Variants in NCALD observed in about 807,000 individuals in gnomAD.
The protein encoded by NCALD is neurocalcin delta.
Under a neutral mutation model 18.6 loss-of-function variants are expected in NCALD, and 10 were observed. The observed-to-expected ratio is 0.54, with a 90% confidence interval of 0.33 to 0.91. The LOEUF (loss-of-function observed/expected upper bound fraction) is 0.91. Ranked by LOEUF, NCALD falls within the 40% of genes least tolerant of loss-of-function variation. The pLI, the probability that NCALD is intolerant of heterozygous loss-of-function variation, is 0.03. For synonymous variants in NCALD, 88 were observed against 87.4 expected, an observed-to-expected ratio of 1.01 and a Z score of -0.04; for missense variants, 184 against 247.6, an observed-to-expected ratio of 0.74 and a Z score of 1.72.
intron 1 of NCALD, among the ~76,000 whole-genome samples, chr8:102,103,772 T>C (rs116269894): frequency 0.017 from 2,627 of 152,262 alleles, 100 homozygotes; most frequent in African/African-American, 0.06. Context: ...GAAATAACAA[T>C]TGTTAAATAT....
intron 2 of NCALD, among the ~76,000 whole-genome samples, chr8:101,996,619 C>T (rs371577563): frequency 6.6e-6 from 1 of 152,308 alleles, no homozygotes; most frequent in South Asian, 2.1e-4. Flanking sequence ...CAAGAGGAGG[C>T]AGACTTGTTG....
chr8:101,712,016 A>G lies in NCALD; in HGVS notation c.378+7236T>C, dbSNP rs547055186. On this transcript the variant is annotated intron_variant, in intron 2 of 3. Coordinates refer to ENST00000220931, the MANE Select transcript of NCALD (RefSeq NM_032041.3). The stretch of plus-strand genomic sequence containing the variant: ...GAAGGAAAAAATATTAAGGGCAGCC[A>G]GAAAGAAAGGCTGGGTTACCCATAA... Among the ~76,000 whole-genome samples, 17 of 152,352 alleles carry G rather than the reference A, an allele frequency of 1.1e-4. No individual in the cohort carries two copies. In the East Asian group the frequency reaches 2.9e-3, roughly 26 times the overall value.
rs189602855 is a variant in NCALD at position 101,889,392 on chromosome 8, T to C, written c.-106-2165A>G. On this transcript the variant is annotated intron_variant, in intron 3 of 6. Transcript: ENST00000311028. ...AGGAAGAGGTTTCTCAACCAGGTGA[T>C]GACAGATCAAGGCTTAAACACAAGC... Among the ~76,000 whole-genome samples the C allele has an allele frequency of 1.1e-4, 17 of 152,372 alleles. No individual in the cohort carries two copies. The East Asian group carries it at 2.9e-3, about 26-fold the overall frequency.
chr8:102,116,412 A>G (rs1276630264), intron 1 of NCALD, among the ~76,000 whole-genome samples: 5 of 152,180 alleles, frequency 3.3e-5, no homozygotes, highest in African/African-American at 1.2e-4. Flanking sequence ...TCTGTCATGG[A>G]TTGAATGGTG....
In NCALD at chr8:102,045,399, G is replaced by C. The variant is rs1387309208; in HGVS notation, c.-209-25110C>G. On this transcript the variant is annotated intron_variant, in intron 1 of 6. Transcript: ENST00000311028. ...AGGAATGTTATGCACCTACCATACC[G>C]GGTGCTTATGAAAATGAAATTAGAA... Among the ~76,000 whole-genome samples the C allele has an allele frequency of 2.0e-5, 3 of 152,058 alleles. 1 individual carries two copies. Among genetic ancestry groups the C allele is most frequent in the South Asian group, 4.1e-4 (2 of 4,822 alleles).
At chr8:102,084,564 G>A (rs1824671615) in intron 1 of NCALD, among the ~76,000 whole-genome samples, 1 of 152,162 alleles carries the variant, frequency 6.6e-6, no homozygotes, top group African/African-American at 2.4e-5. Flanking sequence ...CCCTTGATGG[G>A]GTGTTGTCTG....
intron 3 of NCALD, among the ~76,000 whole-genome samples, chr8:101,892,573 G>A (rs1816952344): frequency 6.7e-6 from 1 of 148,996 alleles, no homozygotes; most frequent in African/African-American, 2.6e-5. Context: ...CCGAGCTACA[G>A]GAGGAAATTC....
intron 4 of NCALD, among the ~76,000 whole-genome samples, chr8:101,869,009 C>T (rs1341963205): frequency 6.6e-6 from 1 of 152,180 alleles, no homozygotes; most frequent in Non-Finnish European, 1.5e-5. Context: ...GAGCCCTTGC[C>T]TGGGGAGGTC....
intron 4 of NCALD, among the ~76,000 whole-genome samples, chr8:101,880,427 G>A (rs569109769): frequency 6.6e-6 from 1 of 152,282 alleles, no homozygotes; most frequent in South Asian, 2.1e-4. Context: ...GCTGGCTCTG[G>A]CCTTGGCCAG....
At chr8:101,960,880 C>T (rs1276413861) in intron 2 of NCALD, among the ~76,000 whole-genome samples, 1 of 152,062 alleles carries the variant, frequency 6.6e-6, no homozygotes, top group Non-Finnish European at 1.5e-5. Flanking sequence ...GTTTCTTCTG[C>T]CTGAGACACT....
At chr8:101,887,208 G>A (rs904430297) in exon 4 of NCALD, 1 of 152,038 alleles carries the variant, frequency 6.6e-6, no homozygotes, top group African/African-American at 2.4e-5. Context: ...TTTAACACCA[G>A]GAGATCAGAT....
chr8:101,953,904 AG>A (rs1285140831), intron 2 of NCALD, among the ~76,000 whole-genome samples: 2 of 152,338 alleles, frequency 1.3e-5, no homozygotes, highest in East Asian at 3.9e-4. Context: ...TCAATCCCAG[AG>A]CTTGTGGCTA....
At chr8:102,124,404 T>TGCAG (rs1692111964), upstream of NCALD, 1 of 147,804 alleles carries the variant, frequency 6.8e-6, no homozygotes, top group Non-Finnish European at 1.5e-5. Flanking sequence ...CCCTCTCCAC[T>TGCAG]GCAGCCCCGC....
intron 2 of NCALD, among the ~76,000 whole-genome samples, chr8:101,701,867 A>G (rs2130149076): frequency 6.6e-6 from 1 of 152,334 alleles, no homozygotes; most frequent in Non-Finnish European, 1.5e-5. Context: ...GCTTAGAAGG[A>G]TATTACATAT....
chr8:101,740,371 G>A (rs985267503), intron 1 of NCALD, among the ~76,000 whole-genome samples: 3 of 152,204 alleles, frequency 2.0e-5, no homozygotes, highest in Non-Finnish European at 4.4e-5. Context: ...AAAGGAAGAA[G>A]GAAGATTAAT....
chr8:101,713,904 A>G (rs966672871), intron 2 of NCALD, among the ~76,000 whole-genome samples: 1 of 152,094 alleles, frequency 6.6e-6, no homozygotes, highest in Non-Finnish European at 1.5e-5. Context: ...CAATAGAAAA[A>G]GAGAGACTCT....
intron 2 of NCALD, among the ~76,000 whole-genome samples, chr8:102,019,391 C>A (rs143031801): frequency 3.6e-4 from 55 of 152,150 alleles, no homozygotes; most frequent in African/African-American, 1.3e-3. Context: ...TGAACATATG[C>A]CTGCCTTATG....
chr8:102,077,457 TAA>T (rs1824384928), intron 1 of NCALD, among the ~76,000 whole-genome samples: 1 of 152,010 alleles, frequency 6.6e-6, no homozygotes, highest in African/African-American at 2.4e-5. Flanking sequence ...GTTTCGAAAG[TAA>T]AAGTTAAGAG....
chr8:101,757,907 C>G (rs1049011854), intron 1 of NCALD, among the ~76,000 whole-genome samples: 2 of 152,072 alleles, frequency 1.3e-5, no homozygotes, highest in East Asian at 3.9e-4. Flanking sequence ...TTTAGAGCCT[C>G]CCACCTCCCA....
Sources: gnomAD v4.1 joint callset for allele counts (sites outside exome capture counted in the v4.1 genomes callset) on GRCh38, gnomAD v4.1.1 for gene constraint, MANE v1.5 for transcripts, NCBI Gene and HGNC (gene_info 2026-07-23, HGNC 2026-07-21) for gene names.